Variants in KSR2 observed in about 807,000 individuals in gnomAD.
KSR2 encodes the protein kinase suppressor of ras 2.
In KSR2, 25 loss-of-function variants were observed where a neutral mutation model predicts 107.8. That is an observed-to-expected ratio of 0.23 (90% CI 0.17 to 0.32). The LOEUF is 0.32. KSR2 is among the 10% of genes least tolerant of loss of function. The probability of loss-of-function intolerance (pLI) is 1.00; values close to 1 mark genes in which losing one functional copy is unlikely to be tolerated. For synonymous variants in KSR2, 480 were observed against 507.0 expected, an observed-to-expected ratio of 0.95 and a Z score of 0.71; for missense variants, 887 against 1,268.9, an observed-to-expected ratio of 0.70 and a Z score of 4.57.
intron 7 of KSR2, among the ~76,000 whole-genome samples, chr12:117,578,753 T>C (rs1565909689): frequency 6.6e-6 from 1 of 152,320 alleles, no homozygotes; most frequent in East Asian, 1.9e-4. Flanking sequence ...GTCAAGACTG[T>C]TTCTGTATTG....
chr12:117,469,030 T>A (rs1566119860), intron 19 of KSR2, among the ~76,000 whole-genome samples: 1 of 152,166 alleles, frequency 6.6e-6, no homozygotes, highest in African/African-American at 2.4e-5. Context: ...CCCTTTTACC[T>A]TCTAGAGAGC....
In KSR2 at chr12:117,916,076, C is replaced by T. The variant is rs886788828; in HGVS notation, c.180+52000G>A. Among the ~76,000 whole-genome samples, 4 of 149,366 alleles carry T rather than the reference C, an allele frequency of 2.7e-5. No homozygotes were observed. In the East Asian group the frequency reaches 7.8e-4, roughly 29 times the overall value. ...AATTTTGAGGGGCTGAAGATGAATT[C>T]TTGGGGGTCTAAAAGTTCTCTACAA... is the stretch of plus-strand genomic sequence containing the variant. On this transcript the variant is annotated intron_variant, in intron 1 of 19. Transcript: ENST00000339824.
chr12:117,684,469 G>A (rs2136546696), intron 4 of KSR2, among the ~76,000 whole-genome samples: 1 of 152,292 alleles, frequency 6.6e-6, no homozygotes, highest in South Asian at 2.1e-4. Context: ...ATGGAAATGA[G>A]CAGGGAGGGG....
At chr12:117,674,227 A>T (rs1221933593) in intron 4 of KSR2, 1 of 475,972 alleles carries the variant, frequency 2.1e-6, no homozygotes, top group Admixed American at 2.2e-5. Context: ...GAATGAGTTC[A>T]TTACTCTCCA....
chr12:117,882,190 C>T (rs537756524), intron 1 of KSR2, among the ~76,000 whole-genome samples: 152 of 152,252 alleles, frequency 1.0e-3, no homozygotes, highest in African/African-American at 3.5e-3. Flanking sequence ...CTGCAGGGGG[C>T]AATAGGCACC....
intron 3 of KSR2, among the ~76,000 whole-genome samples, chr12:117,792,049 G>C (rs570921208): frequency 6.8e-4 from 103 of 152,190 alleles, no homozygotes; most frequent in African/African-American, 2.3e-3. Flanking sequence ...AAAGCATTGC[G>C]GTTTTGGCCA....
intron 1 of KSR2, among the ~76,000 whole-genome samples, chr12:117,956,429 G>A (rs1355744918): frequency 1.3e-5 from 2 of 150,428 alleles, no homozygotes; most frequent in Non-Finnish European, 3.0e-5. Context: ...TTAGCCAGGT[G>A]TGGTGGCATG....
intron 1 of KSR2, among the ~76,000 whole-genome samples, chr12:117,966,656 CTCTCTT>C (rs1354124312): frequency 6.8e-6 from 1 of 147,966 alleles, no homozygotes; most frequent in Non-Finnish European, 1.5e-5. Flanking sequence ...CATGCTGTCT[CTCTCTT>C]TCTCTCTCTC....
chr12:117,506,589 G>A (rs1398023435), intron 14 of KSR2, among the ~76,000 whole-genome samples: 2 of 152,148 alleles, frequency 1.3e-5, no homozygotes, highest in African/African-American at 2.4e-5. Context: ...CAGCATAGCT[G>A]CCAAGACCAC....
chr12:117,649,607 C>A (rs892156960), intron 5 of KSR2, among the ~76,000 whole-genome samples: 1 of 152,136 alleles, frequency 6.6e-6, no homozygotes, highest in Admixed American at 6.5e-5. Context: ...GTAAGTAATA[C>A]AGGGCAGAGA....
At chr12:117,678,250 A>G (rs1017783552) in intron 4 of KSR2, among the ~76,000 whole-genome samples, 3 of 151,990 alleles carry the variant, frequency 2.0e-5, no homozygotes, top group Admixed American at 1.3e-4. Context: ...GCACCGGGCC[A>G]GTATTGGGCT....
rs545769158 is a variant in KSR2 at position 117,767,443 on chromosome 12, G to GA, written c.473-5920dup. On this transcript the variant is annotated intron_variant, in intron 3 of 19. Coordinates refer to ENST00000339824, the MANE Select transcript of KSR2 (RefSeq NM_173598.6). ...CAGAGCGAGACTCCTGTCTCAAAAG[G>GA]AAAAAAAAGAGACAAACAGGTACAC... Among the ~76,000 whole-genome samples the GA allele has an allele frequency of 4.2e-4, 60 of 142,612 alleles. 1 individual carries two copies. The South Asian group carries it at 0.011, about 27-fold the overall frequency. 93.6% of individuals were successfully genotyped at this position (142,612 alleles called of 152,430 possible). A position where few individuals can be genotyped will look rare whatever the true frequency, so the allele number is the denominator to read the frequency against.
chr12:117,826,020 TGGAG>T (rs370019902), intron 3 of KSR2, among the ~76,000 whole-genome samples: 11 of 127,086 alleles, frequency 8.7e-5, no homozygotes, highest in East Asian at 2.7e-4. Context: ...GATGGATGCA[TGGAG>T]GGATGGATGG....
chr12:117,529,165 C>A lies in KSR2; in HGVS notation c.1802+1776G>T, dbSNP rs537390759. Among the ~76,000 whole-genome samples the A allele has an allele frequency of 2.0e-4, 30 of 152,320 alleles. No individual in the cohort carries two copies. The East Asian group carries it at 4.4e-3, about 23-fold the overall frequency. On this transcript the variant is annotated intron_variant, in intron 12 of 19. Transcript: ENST00000339824. ...AGTTAGGAAACTGGTCAAATCCTAG[C>A]AAGCCCCAGGCTTCCATCGCAACCA...
Position 117,907,961 on chromosome 12 carries a change from T to C in KSR2, c.181-47530A>G, listed in dbSNP as rs1040960471. 6.6e-6 allele frequency among the ~76,000 whole-genome samples: 1 copy of C among 152,036 alleles called. No homozygotes were observed. The highest frequency in any genetic ancestry group is 1.5e-5 in the Non-Finnish European group (1 of 68,004). On this transcript the variant is annotated intron_variant, in intron 1 of 19. Transcript: ENST00000339824. The surrounding 1 kb of genome is among the most constrained non-coding windows in gnomAD (Gnocchi z 4.3). ...CTGAGGGCTGGAAGATATTGGAAGA[T>C]TCAGGTTGGGTAAAACTAAAGGGAT...
intron 3 of KSR2, among the ~76,000 whole-genome samples, chr12:117,779,590 T>C (rs768731700): frequency 2.6e-5 from 4 of 152,184 alleles, no homozygotes; most frequent in Non-Finnish European, 5.9e-5. Flanking sequence ...GGGAGGGACC[T>C]GGTGGGAGGT....
rs1043294135 is a variant in KSR2, at chr12:117,799,026, T to C, written c.473-37502A>G. 3.3e-5 allele frequency among the ~76,000 whole-genome samples: 5 copies of C among 152,216 alleles called. No individual in the cohort carries two copies. The South Asian group carries it at 1.0e-3, about 32-fold the overall frequency. On this transcript the variant is annotated intron_variant, in intron 3 of 19. Coordinates refer to ENST00000339824, the MANE Select transcript of KSR2 (RefSeq NM_173598.6). ...TAGAAGTCCCCTTATCTGAAATATC[T>C]GGAATAGGCAAATCCATAGTGGATT...
chr12:117,623,050 T>A (rs2136345290), intron 5 of KSR2, among the ~76,000 whole-genome samples: 1 of 152,362 alleles, frequency 6.6e-6, no homozygotes, highest in Middle Eastern at 3.4e-3. Context: ...GCTGCTGGTA[T>A]GAGGCTCAGA....
intron 17 of KSR2, among the ~76,000 whole-genome samples, chr12:117,474,081 C>A (rs1335560109): frequency 1.3e-5 from 2 of 152,150 alleles, no homozygotes; most frequent in East Asian, 3.9e-4. Flanking sequence ...AACCAGAGAG[C>A]CGGGTCCTTC....
Sources: allele counts gnomAD v4.1 joint callset (sites outside exome capture counted in the v4.1 genomes callset), GRCh38; gene constraint gnomAD v4.1.1; non-coding constraint Gnocchi (gnomAD v3.1); transcripts MANE v1.5; gene names NCBI Gene and HGNC (gene_info 2026-07-23, HGNC 2026-07-21).